TNRC18: variants seen among roughly 807,000 people sequenced by gnomAD.
TNRC18 encodes trinucleotide repeat containing 18, also known as trinucleotide repeat-containing gene 18 protein.
A neutral mutation model predicts 226.7 loss-of-function variants in TNRC18; 69 were observed. That is an observed-to-expected ratio of 0.30 (90% CI 0.25 to 0.37). TNRC18 has a LOEUF of 0.37. TNRC18 is among the 10% of genes least tolerant of loss of function. The pLI, the probability that TNRC18 is intolerant of heterozygous loss-of-function variation, is 1.00. For synonymous variants in TNRC18, 2,449 were observed against 1,927.6 expected, an observed-to-expected ratio of 1.27 and a Z score of -7.09; for missense variants, 4,754 against 4,256.6, an observed-to-expected ratio of 1.12 and a Z score of -3.25.
chr7:5,378,651 C>CT (rs933317110), intron 5 of TNRC18, among the ~76,000 whole-genome samples: 80 of 151,988 alleles, frequency 5.3e-4, no homozygotes, highest in African/African-American at 1.9e-3. Flanking sequence ...ATCTCCTGAC[C>CT]TCGTGATCCA....
chr7:5,398,036 A>T (rs867018937), intron 2 of TNRC18, among the ~76,000 whole-genome samples: 1 of 151,894 alleles, frequency 6.6e-6, no homozygotes, highest in Admixed American at 6.6e-5. Context: ...ACTCTGTTCA[A>T]TTCACCCAGG....
intron 17 of TNRC18, 50 bp downstream of exon 17, chr7:5,351,769 A>C: frequency 6.6e-7 from 1 of 1,510,716 alleles, no homozygotes; most frequent in Non-Finnish European, 8.9e-7. Context: ...ACTCGCACGC[A>C]CTCTCTCGCT....
At chr7:5,384,517 C>T (rs1439704290) in intron 5 of TNRC18, among the ~76,000 whole-genome samples, 2 of 142,100 alleles carry the variant, frequency 1.4e-5, no homozygotes, top group Admixed American at 7.0e-5. Flanking sequence ...CCCTCACATT[C>T]GCATGTCCCC....
chr7:5,390,358 CAAAAAA>C (rs11295332), intron 4 of TNRC18, 121 bp downstream of exon 4: 1,924 of 717,130 alleles, frequency 2.7e-3, no homozygotes, highest in South Asian at 5.1e-3. Context: ...GACCCTGTCT[CAAAAAA>C]AAAAAAAAAA....
At chr7:5,371,955 C>T (rs956313641) in intron 10 of TNRC18, among the ~76,000 whole-genome samples, 4 of 152,288 alleles carry the variant, frequency 2.6e-5, no homozygotes, top group South Asian at 2.1e-4. Context: ...TGGAACGCAA[C>T]GGCGCCATCT....
chr7:5,374,178 GCGGCGGGCTGGTGGGGTGGGAGCT>G lies in TNRC18; in HGVS notation c.3082_3105del (p.Ser1028_Pro1035del). ...CCCGGGGTGGGCGGTGGGGAGGCGG[GCGGCGGGCTGGTGGGGTGGGAGCT>G]GGGGGTGGCGGGGTAGGCGTAGGCG... On this transcript the variant is annotated inframe_deletion, in exon 10 of 30. Coordinates refer to ENST00000430969, the MANE Select transcript of TNRC18 (RefSeq NM_001080495.3). 7.0e-7 allele frequency: 1 copy of G among 1,424,434 alleles called. No individual in the cohort carries two copies. The highest frequency in any genetic ancestry group is 2.9e-5 in the Admixed American group (1 of 33,938). 88.2% of individuals were successfully genotyped at this position (1,424,434 alleles called of 1,614,324 possible). A position where few individuals can be genotyped will look rare whatever the true frequency, so the allele number is the denominator to read the frequency against.
rs1485854013 is a variant in TNRC18, at chr7:5,387,957, G to A, written c.1867C>T (p.Pro623Ser). 1 of 1,597,714 alleles carries A rather than the reference G, an allele frequency of 6.3e-7. No homozygotes were observed. Among genetic ancestry groups the A allele is most frequent in the East Asian group, 2.3e-5 (1 of 44,144 alleles). ...GAGGCACCCGCAGAGGTGGGCGCAG[G>A]CTCGGGTTTCATGGTGCCCAAACCT... ...FGGLGTMKPEPAPTSAGASRA... is the reference protein window; with the variant it reads ...FGGLGTMKPESAPTSAGASRA... Residue 623 changes from proline (P) to serine (S), a missense_variant, in exon 5 of 30, where the codon CCT becomes TCT. Coordinates refer to ENST00000430969, the MANE Select transcript of TNRC18 (RefSeq NM_001080495.3).
chr7:5,308,044 A>C lies in TNRC18; in HGVS notation c.*62T>G. ...ACGCACGTGGTCTCCGCGCCATGGC[A>C]GTGATGGAGATGGGTCCCTGGCCGC... On this transcript the variant is annotated 3_prime_UTR_variant, in exon 30 of 30. Transcript: ENST00000430969. The C allele has an allele frequency of 2.1e-6, 3 of 1,449,588 alleles. No homozygotes were observed. The highest frequency in any genetic ancestry group is 1.9e-6 in the Non-Finnish European group (2 of 1,064,762). 89.8% of individuals were successfully genotyped at this position (1,449,588 alleles called of 1,614,324 possible).
At position 5,316,005 on chromosome 7, in the gene TNRC18, C is replaced by G; in HGVS notation, c.6813G>C (p.Arg2271Ser). The G allele has an allele frequency of 6.2e-7, 1 of 1,603,936 alleles. No individual in the cohort carries two copies. Among genetic ancestry groups the G allele is most frequent in the Non-Finnish European group, 8.5e-7 (1 of 1,175,428 alleles). Residue 2271 changes from arginine (R) to serine (S), a missense_variant, in exon 25 of 30, where the codon AGG (arginine) becomes AGC (serine). Physicochemically the swap from Arg to Ser is moderately radical, Grantham distance 110. Coordinates refer to ENST00000430969, the MANE Select transcript of TNRC18 (RefSeq NM_001080495.3). ...TVEFDDGDTG[R>S]IPLSHIRLLP... ...GGAGGCGGATATGTGAGAGGGGGAT[C>G]CTGCCCGTGTCTCCGTCGTCAAACT...
intron 18 of TNRC18, 39 bp downstream of exon 18, chr7:5,345,523 C>CCCCCCCCCCCCCCACCCCCCCCCACA: frequency 5.6e-6 from 1 of 179,160 alleles, no homozygotes; most frequent in Non-Finnish European, 1.2e-5. Context: ...GTCCGCCCCT[C>CCCCCCCCCCCCCCACCCCCCCCCACA]CCACCCACCC....
chr7:5,382,616 C>G (rs988140328), intron 5 of TNRC18, among the ~76,000 whole-genome samples: 2 of 152,116 alleles, frequency 1.3e-5, no homozygotes, highest in Non-Finnish European at 2.9e-5. Flanking sequence ...ACACCCGGCT[C>G]TGCACCCCCA....
At chr7:5,308,786 C>G (rs1191012204) in intron 29 of TNRC18, 89 bp downstream of exon 29, 6 of 1,411,232 alleles carry the variant, frequency 4.3e-6, no homozygotes, top group Non-Finnish European at 5.8e-6. Context: ...GGGGACAGAG[C>G]AGCAGATGCT....
At position 5,324,802 on chromosome 7, in the gene TNRC18, C is replaced by A. The variant is rs1788727802; in HGVS notation, c.6300+294G>T. On this transcript the variant is annotated intron_variant, in intron 20 of 29. Coordinates refer to ENST00000430969, the MANE Select transcript of TNRC18 (RefSeq NM_001080495.3). The surrounding 1 kb of genome is among the most constrained non-coding windows in gnomAD (Gnocchi z 4.8). ...GGGCAGATTCACCCAAGCCTGAGGG[C>A]CCTGTGAGGACCTGGTGCTGGGCTG... 6.6e-6 allele frequency among the ~76,000 whole-genome samples: 1 copy of A among 152,190 alleles called. No homozygotes were observed. Among genetic ancestry groups the A allele is most frequent in the South Asian group, 2.1e-4 (1 of 4,832 alleles).
rs1286131485 is a variant in TNRC18, at chr7:5,324,238, C to T, written c.6418G>A (p.Ala2140Thr). Residue 2140 changes from alanine to threonine, a missense_variant, in exon 21 of 30, where the codon GCT becomes ACT. Coordinates refer to ENST00000430969, the MANE Select transcript of TNRC18 (RefSeq NM_001080495.3). This position sits in a 1 kb window ranked among gnomAD's most constrained non-coding sequence, Gnocchi z 4.8. ...SEDEHLPRGG[A>T]VERPLTPAPR... ...CCCGGGGTCAGCGGCCGCTCCACAG[C>T]CCCGCCACGCGGCAGGTGCTCGTCC... 6 of 1,609,814 alleles carry T rather than the reference C, an allele frequency of 3.7e-6. No homozygotes were observed. In the East Asian group the frequency reaches 1.3e-4, roughly 36 times the overall value.
At position 5,309,317 on chromosome 7, in the gene TNRC18, G is replaced by A. The variant is rs921979411; in HGVS notation, c.8440C>T (p.Arg2814Cys). The change falls in exon 28 of 30, where the codon CGC (arginine) becomes TGC (cysteine). Residue 2814 changes from arginine (R) to cysteine (C), a missense_variant. Coordinates refer to ENST00000430969, the MANE Select transcript of TNRC18 (RefSeq NM_001080495.3). The surrounding 1 kb of genome is among the most constrained non-coding windows in gnomAD (Gnocchi z 5.7). ...CCGATACGGATCATCTCCTTGCCGC[G>A]CACGATGGCCTTGTAGAAGAGCTTG... The part of the protein sequence containing the change: ...ARKLFYKAIV[R>C]GKEMIRIGDC... The A allele has an allele frequency of 1.2e-6, 2 of 1,613,738 alleles. No homozygotes were observed. The highest frequency in any genetic ancestry group is 1.3e-5 in the African/African-American group (1 of 74,950).
At chr7:5,369,095 C>G (rs1793913596) in intron 11 of TNRC18, among the ~76,000 whole-genome samples, 1 of 152,178 alleles carries the variant, frequency 6.6e-6, no homozygotes, top group African/African-American at 2.4e-5. Flanking sequence ...CACCTGTAAT[C>G]CCAGCACTTT....
rs768261389 is a variant in TNRC18, at chr7:5,313,442, G to A, written c.7449C>T (p.Leu2483=). The change falls in exon 27 of 30, where the codon CTC becomes CTT. Residue 2483 remains leucine, a synonymous_variant. Coordinates refer to ENST00000430969, the MANE Select transcript of TNRC18 (RefSeq NM_001080495.3). The part of the protein sequence containing the change: ...KSKKAKEALL[L]REDPGAGGWQ... ...AGCCCCCCGCCCCCGGATCCTCCCGGAGCAGCAGGGCCTCTTTAGCCTTCT... is the reference window on the plus strand; with the variant it reads ...AGCCCCCCGCCCCCGGATCCTCCCGAAGCAGCAGGGCCTCTTTAGCCTTCT... 1 of 1,611,720 alleles carries A rather than the reference G, an allele frequency of 6.2e-7. No individual in the cohort carries two copies. Among genetic ancestry groups the A allele is most frequent in the Admixed American group, 1.7e-5 (1 of 59,790 alleles).
intron 18 of TNRC18, among the ~76,000 whole-genome samples, chr7:5,345,283 C>T (rs1791058181): frequency 6.6e-6 from 1 of 152,230 alleles, no homozygotes; most frequent in African/African-American, 2.4e-5. Context: ...GCTCCCGCAG[C>T]CCCTCAAGTG....
intron 2 of TNRC18, among the ~76,000 whole-genome samples, chr7:5,410,120 G>T (rs1262996261): frequency 6.6e-6 from 1 of 150,440 alleles, no homozygotes; most frequent in Non-Finnish European, 1.5e-5. Flanking sequence ...AGACCAGCCT[G>T]GCCAACCTGG....
Sources: gnomAD v4.1 joint callset for allele counts (sites outside exome capture counted in the v4.1 genomes callset) on GRCh38, gnomAD v4.1.1 for gene constraint, Gnocchi (gnomAD v3.1) non-coding constraint, MANE v1.5 for transcripts, NCBI Gene and HGNC (gene_info 2026-07-23, HGNC 2026-07-21) for gene names.